The following BCAS1 variants were observed in gnomAD, a reference collection of about 807,000 sequenced individuals.
The protein encoded by BCAS1 is breast carcinoma-amplified sequence 1.
A neutral mutation model predicts 65.4 loss-of-function variants in BCAS1; 46 were observed. The ratio of observed to expected loss-of-function variants is 0.70; its 90% confidence interval spans 0.55 to 0.90. The LOEUF (loss-of-function observed/expected upper bound fraction) is 0.90. Ranked by LOEUF, BCAS1 falls within the 40% of genes least tolerant of loss-of-function variation. The pLI, the probability that BCAS1 is intolerant of heterozygous loss-of-function variation, is 0.00. For missense variants in BCAS1, 793 were observed against 771.2 expected (o/e 1.03, Z -0.33); for synonymous variants, 298 against 293.5 (o/e 1.02, Z -0.16).
chr20:54,043,637 A>G (rs946534304), intron 3 of BCAS1, among the ~76,000 whole-genome samples: 20 of 152,124 alleles, frequency 1.3e-4, no homozygotes, highest in Non-Finnish European at 2.8e-4. Context: ...CAGTTCTTAC[A>G]TGGTCCTCAG....
intron 8 of BCAS1, among the ~76,000 whole-genome samples, chr20:53,982,523 C>T (rs2090509486): frequency 6.6e-6 from 1 of 152,076 alleles, no homozygotes; most frequent in African/African-American, 2.4e-5. Context: ...GGCTTATAAA[C>T]TTTAAAATCA....
chr20:54,059,317 AG>A, intron 1 of BCAS1, among the ~76,000 whole-genome samples: 2 of 152,376 alleles, frequency 1.3e-5, no homozygotes, highest in Admixed American at 6.5e-5. Context: ...TTTCATTGCT[AG>A]GGGAAAATAT....
chr20:53,950,455 A>T, intron 12 of BCAS1, among the ~76,000 whole-genome samples: 2 of 146,562 alleles, frequency 1.4e-5, no homozygotes. Flanking sequence ...AGACACACTC[A>T]GGCAAAAGTA....
chr20:54,061,592 A>G (rs2092377486), intron 1 of BCAS1, among the ~76,000 whole-genome samples: 1 of 152,184 alleles, frequency 6.6e-6, no homozygotes. Context: ...CTGGTAGTAG[A>G]CGCATTGAGC....
intron 10 of BCAS1, among the ~76,000 whole-genome samples, chr20:53,962,823 T>C (rs960166148): frequency 6.6e-6 from 1 of 152,122 alleles, no homozygotes; most frequent in Non-Finnish European, 1.5e-5. Flanking sequence ...CCCTAAAATA[T>C]AGTTATTTTA....
intron 3 of BCAS1, among the ~76,000 whole-genome samples, chr20:54,052,204 A>C (rs1235421746): frequency 6.6e-6 from 1 of 152,208 alleles, no homozygotes; most frequent in Non-Finnish European, 1.5e-5. Flanking sequence ...CACCATGATG[A>C]AGGTATAAAG....
chr20:54,054,255 C>T (rs1164546429), intron 3 of BCAS1, among the ~76,000 whole-genome samples: 5 of 152,092 alleles, frequency 3.3e-5, no homozygotes. Context: ...CAGAGCCAAA[C>T]CGTATCACCA....
At chr20:53,987,397 C>T (rs2090640994) in intron 7 of BCAS1, among the ~76,000 whole-genome samples, 1 of 152,206 alleles carries the variant, frequency 6.6e-6, no homozygotes, top group Non-Finnish European at 1.5e-5. Context: ...GCATTACAAA[C>T]GTCCCAAACG....
chr20:53,964,872 G>T (rs2089985378), intron 10 of BCAS1, among the ~76,000 whole-genome samples: 1 of 149,368 alleles, frequency 6.7e-6, no homozygotes. Flanking sequence ...GCTTCATGTT[G>T]GTTATTTGGA....
chr20:54,053,991 T>C (rs1038447996), intron 3 of BCAS1, among the ~76,000 whole-genome samples: 16 of 152,230 alleles, frequency 1.1e-4, no homozygotes, highest in Non-Finnish European at 7.3e-5. Context: ...CAGCTCCACA[T>C]GGCTGGGGAG....
chr20:54,033,167 T>G lies in BCAS1; in HGVS notation c.143-4195A>C, dbSNP rs531623416. On this transcript the variant is annotated intron_variant, in intron 3 of 12. Coordinates refer to ENST00000688948, the MANE Select transcript of BCAS1 (RefSeq NM_001366298.2). ...GCTAAGGCAGTGTTAAGAGGGAAAT[T>G]TATAGCACTAAATCCCACATCAAAA... Among the ~76,000 whole-genome samples the G allele has an allele frequency of 3.3e-5, 5 of 151,166 alleles. No homozygotes were observed. In the East Asian group the frequency reaches 9.6e-4, roughly 29 times the overall value.
At chr20:54,011,488 A>G (rs1267827358) in intron 4 of BCAS1, among the ~76,000 whole-genome samples, 1 of 152,136 alleles carries the variant, frequency 6.6e-6, no homozygotes, top group Non-Finnish European at 1.5e-5. Context: ...GCACATAAAG[A>G]TGTTCAATCT....
chr20:53,970,260 C>T (rs2090145332), intron 9 of BCAS1, among the ~76,000 whole-genome samples: 1 of 152,136 alleles, frequency 6.6e-6, no homozygotes, highest in Non-Finnish European at 1.5e-5. Context: ...AGTCCATTCT[C>T]CAGAACACAA....
At chr20:54,030,798 A>C (rs1235655724) in intron 3 of BCAS1, among the ~76,000 whole-genome samples, 1 of 151,388 alleles carries the variant, frequency 6.6e-6, no homozygotes, top group East Asian at 1.9e-4. Context: ...AACCTGAAGA[A>C]AATCACCCTG....
intron 1 of BCAS1, among the ~76,000 whole-genome samples, chr20:54,066,627 GCTCT>G (rs1448012981): frequency 1.3e-5 from 2 of 152,194 alleles, no homozygotes; most frequent in Non-Finnish European, 2.9e-5. Context: ...ACACCAAAGA[GCTCT>G]CTCTGTCTCT....
chr20:54,020,458 G>GT (rs2091532741), intron 4 of BCAS1, among the ~76,000 whole-genome samples: 1 of 152,144 alleles, frequency 6.6e-6, no homozygotes, highest in African/African-American at 2.4e-5. Flanking sequence ...AAGTGAAATC[G>GT]TATACACCAC....
intron 1 of BCAS1, among the ~76,000 whole-genome samples, chr20:54,066,371 C>G (rs190892555): frequency 6.6e-6 from 1 of 152,156 alleles, no homozygotes; most frequent in Non-Finnish European, 1.5e-5. Flanking sequence ...CGGGCCCGGC[C>G]GAGGCAGGTA....
At chr20:53,989,358 TA>T (rs1287715938) in intron 7 of BCAS1, among the ~76,000 whole-genome samples, 1 of 152,174 alleles carries the variant, frequency 6.6e-6, no homozygotes, top group Non-Finnish European at 1.5e-5. Flanking sequence ...AATTCTAATT[TA>T]TTTGTGTAGT....
At chr20:54,045,210 C>CA (rs11086447) in intron 3 of BCAS1, among the ~76,000 whole-genome samples, 203 of 136,148 alleles carry the variant, frequency 1.5e-3, no homozygotes, top group Non-Finnish European at 1.6e-3. Flanking sequence ...GACCTCATCT[C>CA]AAAAAAAAAA....
Sources: allele counts gnomAD v4.1 joint callset (sites outside exome capture counted in the v4.1 genomes callset), GRCh38; gene constraint gnomAD v4.1.1; transcripts MANE v1.5; gene names NCBI Gene and HGNC (gene_info 2026-07-23, HGNC 2026-07-21).